Variants in CDKN2B-AS1 observed in about 807,000 individuals in gnomAD.
CDKN2B-AS1 encodes CDKN2B antisense RNA 1 (non-protein coding).
chr9:22,012,618 C>T (rs1396597122), intron 1 of CDKN2B-AS1: 2 of 388,690 alleles, frequency 5.1e-6, no homozygotes, highest in South Asian at 2.2e-5. Flanking sequence ...CTTTCATTGA[C>T]TGGAAAAAAA....
intron 1 of CDKN2B-AS1, among the ~76,000 whole-genome samples, chr9:22,025,151 G>T (rs536438534): frequency 4.0e-4 from 61 of 152,308 alleles, no homozygotes; most frequent in African/African-American, 1.3e-3. Context: ...GTCTCTTGGG[G>T]GCTCCACCCC....
At chr9:22,003,051 A>G (rs1820991401) in intron 1 of CDKN2B-AS1, 5 of 211,536 alleles carry the variant, frequency 2.4e-5, no homozygotes, top group Non-Finnish European at 3.8e-5. Context: ...CAATGGAGCT[A>G]GAAGCAGGAC....
chr9:22,111,354 G>A (rs973921871), intron 4 of CDKN2B-AS1, among the ~76,000 whole-genome samples: 2 of 152,040 alleles, frequency 1.3e-5, no homozygotes, highest in Non-Finnish European at 2.9e-5. Context: ...ATTTTAAAAA[G>A]GAAGGTCTGG....
At chr9:22,107,470 A>G (rs1474871361) in intron 4 of CDKN2B-AS1, among the ~76,000 whole-genome samples, 1 of 152,174 alleles carries the variant, frequency 6.6e-6, no homozygotes, top group African/African-American at 2.4e-5. Flanking sequence ...AACTTTCCCC[A>G]CTTGAAACTC....
At chr9:22,115,772 A>G (rs1476683130) in intron 4 of CDKN2B-AS1, among the ~76,000 whole-genome samples, 1 of 152,180 alleles carries the variant, frequency 6.6e-6, no homozygotes, top group Non-Finnish European at 1.5e-5. Flanking sequence ...TAAACAGGGC[A>G]TATTGTGCTG....
rs1379121488 is a variant in CDKN2B-AS1, at chr9:22,039,243, A to T, written n.30-7508A>T. ...AACTAGAATCATTAATATCTCAGTC[A>T]GGGGAAGCCATGTCAACTTACTGGT... On this transcript the variant is annotated intron_variant and non_coding_transcript_variant, in intron 1 of 4. Transcript: ENST00000650946. The surrounding 1 kb of genome is among the most constrained non-coding windows in gnomAD (Gnocchi z 4.4). 6.6e-6 allele frequency among the ~76,000 whole-genome samples: 1 copy of T among 152,012 alleles called. No homozygotes were observed. The highest frequency in any genetic ancestry group is 1.5e-5 in the Non-Finnish European group (1 of 67,960).
intron 4 of CDKN2B-AS1, chr9:22,118,693 C>T (rs1342119116): frequency 6.6e-6 from 1 of 152,152 alleles, no homozygotes; most frequent in Admixed American, 6.5e-5. Flanking sequence ...AAGAATAAAA[C>T]TTAATCCCTT....
intron 4 of CDKN2B-AS1, chr9:22,117,979 G>C (rs969527590): frequency 6.6e-6 from 1 of 152,332 alleles, no homozygotes; most frequent in African/African-American, 2.4e-5. Context: ...TGAGGCAATT[G>C]GAGTCTCAGC....
At chr9:22,027,278 G>A (rs918712066) in intron 1 of CDKN2B-AS1, among the ~76,000 whole-genome samples, 2 of 151,464 alleles carry the variant, frequency 1.3e-5, no homozygotes, top group Admixed American at 6.6e-5. Context: ...ACATTGTTAA[G>A]CTGTTTTATT....
At chr9:22,101,024 G>A (rs1320759733) in intron 4 of CDKN2B-AS1, among the ~76,000 whole-genome samples, 1 of 152,102 alleles carries the variant, frequency 6.6e-6, no homozygotes, top group South Asian at 2.1e-4. Flanking sequence ...TGACTTGTTA[G>A]GATTCTTTGT....
intron 4 of CDKN2B-AS1, among the ~76,000 whole-genome samples, chr9:22,090,675 G>GC (rs1825048176): frequency 6.6e-6 from 1 of 150,830 alleles, no homozygotes; most frequent in Admixed American, 6.6e-5. Context: ...TGATGGGGCT[G>GC]TTTTTTTTTC....
chr9:22,072,249 T>A (rs183922122), intron 4 of CDKN2B-AS1, among the ~76,000 whole-genome samples: 1 of 152,320 alleles, frequency 6.6e-6, no homozygotes, highest in East Asian at 1.9e-4. Flanking sequence ...CTTAATTCCT[T>A]GATAGGTTCT....
intron 3 of CDKN2B-AS1, among the ~76,000 whole-genome samples, chr9:22,054,713 TTTTA>T (rs957624871): frequency 2.0e-5 from 3 of 150,342 alleles, no homozygotes; most frequent in African/African-American, 7.3e-5. Flanking sequence ...TTTTTTAAAT[TTTTA>T]TTTATTTTAT....
chr9:22,069,902 C>T (rs1028697718), intron 4 of CDKN2B-AS1, among the ~76,000 whole-genome samples: 2 of 152,132 alleles, frequency 1.3e-5, no homozygotes, highest in East Asian at 1.9e-4. Context: ...TTCGCTCTGC[C>T]GCCCAGACTG....
At chr9:22,019,748 C>T (rs986194946) in intron 1 of CDKN2B-AS1, among the ~76,000 whole-genome samples, 3 of 152,046 alleles carry the variant, frequency 2.0e-5, no homozygotes, top group African/African-American at 7.2e-5. Flanking sequence ...GAAATGCAGA[C>T]ATTTGAGTAT....
chr9:22,022,463 A>C (rs1443294546), intron 1 of CDKN2B-AS1, among the ~76,000 whole-genome samples: 1 of 152,168 alleles, frequency 6.6e-6, no homozygotes, highest in Non-Finnish European at 1.5e-5. Flanking sequence ...GTCAGAAACT[A>C]GGATTGGAAC....
At chr9:22,107,811 T>A (rs921575371) in intron 4 of CDKN2B-AS1, among the ~76,000 whole-genome samples, 1 of 152,234 alleles carries the variant, frequency 6.6e-6, no homozygotes, top group African/African-American at 2.4e-5. Context: ...ACTTGTTGAC[T>A]GTATTACTTA....
At chr9:22,016,901 A>G (rs1007044867) in intron 1 of CDKN2B-AS1, among the ~76,000 whole-genome samples, 1 of 152,198 alleles carries the variant, frequency 6.6e-6, no homozygotes, top group African/African-American at 2.4e-5. Context: ...GTTTTAACCC[A>G]TTATAGTTAT....
intron 4 of CDKN2B-AS1, among the ~76,000 whole-genome samples, chr9:22,090,135 T>C (rs1475014828): frequency 6.6e-6 from 1 of 152,114 alleles, no homozygotes; most frequent in Non-Finnish European, 1.5e-5. Context: ...GCTTCATCCA[T>C]GTCCCCACAA....
Sources: allele counts gnomAD v4.1 joint callset (sites outside exome capture counted in the v4.1 genomes callset), GRCh38; gene constraint gnomAD v4.1.1; non-coding constraint Gnocchi (gnomAD v3.1); transcripts MANE v1.5; gene names NCBI Gene and HGNC (gene_info 2026-07-23, HGNC 2026-07-21).